The following GALNT10 variants were observed in gnomAD, a reference collection of about 807,000 sequenced individuals.
GALNT10 encodes polypeptide N-acetylgalactosaminyltransferase 10.
In GALNT10, 41 loss-of-function variants were observed where a neutral mutation model predicts 75.0. The observed-to-expected ratio is 0.55, with a 90% CI of 0.43 to 0.71. The LOEUF (loss-of-function observed/expected upper bound fraction) is 0.71, where lower values mean the gene tolerates loss of function less well. Among genes scored for constraint, GALNT10 ranks in the 30% least tolerant of loss-of-function variants. The pLI is 0.00. For synonymous variants in GALNT10, 302 were observed against 313.0 expected (o/e 0.96, Z 0.37); for missense variants, 727 against 818.5 (o/e 0.89, Z 1.36).
At chr5:154,325,415 TAAC>T (rs761417182) in intron 3 of GALNT10, among the ~76,000 whole-genome samples, 8 of 152,172 alleles carry the variant, frequency 5.3e-5, no homozygotes, top group Admixed American at 1.3e-4. Flanking sequence ...GACAAAGACA[TAAC>T]AACTATAGAC....
chr5:154,380,730 C>T lies in GALNT10; in HGVS notation c.938+99C>T. The T allele has an allele frequency of 4.0e-6, 3 of 753,420 alleles. No individual in the cohort carries two copies. The South Asian group carries it at 5.5e-5, about 14-fold the overall frequency. The allele number at this position is 753,420 out of a possible 1,614,324, so 46.7% of individuals were successfully genotyped here. A position where few individuals can be genotyped will look rare whatever the true frequency, so the allele number is the denominator to read the frequency against. On this transcript the variant is annotated intron_variant, in intron 6 of 11. Transcript: ENST00000297107. ...CGCCATCTCCCTTAAAAGCCCAATG[C>T]AGAGGGTCCAGCTTCCCAGCCCCAC...
chr5:154,305,466 A>G (rs1215772293), intron 3 of GALNT10, among the ~76,000 whole-genome samples: 4 of 152,246 alleles, frequency 2.6e-5, no homozygotes, highest in Non-Finnish European at 5.9e-5. Flanking sequence ...TCCCTGCAAG[A>G]AACACACTTT....
Position 154,412,611 on chromosome 5 carries a change from C to T in GALNT10, c.1387-278C>T. ...AGGAGTAGGGCCAGGGAGTCCTTTA[C>T]CAACTCCTCACCTCCACTCCCCCAC... On this transcript the variant is annotated intron_variant, in intron 9 of 11. Coordinates refer to ENST00000297107, the MANE Select transcript of GALNT10 (RefSeq NM_198321.4). The surrounding 1 kb of genome is among the most constrained non-coding windows in gnomAD (Gnocchi z 4.2). The T allele has an allele frequency of 2.9e-6, 1 of 347,750 alleles. No individual in the cohort carries two copies. The highest frequency in any genetic ancestry group is 5.4e-6 in the Non-Finnish European group (1 of 186,168). 21.5% of individuals were successfully genotyped at this position (347,750 alleles called of 1,614,324 possible).
chr5:154,368,760 T>C (rs1051523838), intron 4 of GALNT10, among the ~76,000 whole-genome samples: 1 of 152,316 alleles, frequency 6.6e-6, no homozygotes, highest in Admixed American at 6.5e-5. Flanking sequence ...GATATAAACA[T>C]AGCTTTCCTT....
At chr5:154,330,505 TGTG>T (rs1309070734) in intron 4 of GALNT10, among the ~76,000 whole-genome samples, 32 of 152,298 alleles carry the variant, frequency 2.1e-4, no homozygotes, top group African/African-American at 7.2e-4. Flanking sequence ...CATGTAGTCA[TGTG>T]GTGACCGAAC....
At chr5:154,360,491 C>T (rs1238725358) in intron 4 of GALNT10, among the ~76,000 whole-genome samples, 4 of 150,082 alleles carry the variant, frequency 2.7e-5, no homozygotes, top group Admixed American at 2.0e-4. Context: ...ACTGGATCCA[C>T]ATGACATAAG....
At chr5:154,292,048 C>G (rs1754201829) in intron 1 of GALNT10, among the ~76,000 whole-genome samples, 1 of 152,160 alleles carries the variant, frequency 6.6e-6, no homozygotes, top group African/African-American at 2.4e-5. Flanking sequence ...GAAAACCAAA[C>G]CAAAACGAAA....
intron 7 of GALNT10, among the ~76,000 whole-genome samples, chr5:154,400,622 G>A (rs1006645641): frequency 6.6e-6 from 1 of 152,098 alleles, no homozygotes; most frequent in African/African-American, 2.4e-5. Flanking sequence ...ATTAGACCAG[G>A]GACATAATCC....
At chr5:154,341,204 G>A (rs539604992) in intron 4 of GALNT10, among the ~76,000 whole-genome samples, 1 of 152,148 alleles carries the variant, frequency 6.6e-6, no homozygotes, top group South Asian at 2.1e-4. Context: ...CCAGCCTTTG[G>A]GGATCCTCAA....
At chr5:154,361,457 G>A (rs1755385966) in intron 4 of GALNT10, among the ~76,000 whole-genome samples, 1 of 152,232 alleles carries the variant, frequency 6.6e-6, no homozygotes, top group African/African-American at 2.4e-5. Flanking sequence ...CATGCCTGGT[G>A]CAGAGTACAC....
intron 1 of GALNT10, among the ~76,000 whole-genome samples, chr5:154,224,694 T>C (rs879752324): frequency 6.6e-6 from 1 of 152,166 alleles, no homozygotes; most frequent in Non-Finnish European, 1.5e-5. Context: ...GTATCTAATA[T>C]GTTAATATGT....
chr5:154,362,738 CTATGATT>C (rs1326426946), intron 4 of GALNT10, among the ~76,000 whole-genome samples: 3 of 152,176 alleles, frequency 2.0e-5, no homozygotes, highest in Admixed American at 1.3e-4. Flanking sequence ...TAAGTTTCAC[CTATGATT>C]GAATTCTTCC....
chr5:154,333,005 C>T (rs147515751), intron 4 of GALNT10, among the ~76,000 whole-genome samples: 114 of 152,248 alleles, frequency 7.5e-4, no homozygotes, highest in African/African-American at 2.4e-3. Context: ...CATCTAGGCC[C>T]GTGACTTTGT....
In GALNT10 at chr5:154,417,294, C is replaced by A; in HGVS notation, c.*322C>A. 4.1e-6 allele frequency: 1 copy of A among 244,974 alleles called. No individual in the cohort carries two copies. The highest frequency in any genetic ancestry group is 7.9e-6 in the Non-Finnish European group (1 of 126,218). 15.2% of individuals were successfully genotyped at this position (244,974 alleles called of 1,614,324 possible). On this transcript the variant is annotated 3_prime_UTR_variant, in exon 12 of 12. Coordinates refer to ENST00000297107, the MANE Select transcript of GALNT10 (RefSeq NM_198321.4). ...CCTTGAACATTATGTGGGAGAACAC[C>A]AAGGTAGCCTAGGCCACCCAAAAGT...
At chr5:154,223,394 G>C (rs1446829590) in intron 1 of GALNT10, among the ~76,000 whole-genome samples, 1 of 152,190 alleles carries the variant, frequency 6.6e-6, no homozygotes, top group Non-Finnish European at 1.5e-5. Context: ...TCCCAATACT[G>C]TCTGACTTTG....
At chr5:154,287,588 G>A (rs1754130511) in intron 1 of GALNT10, 1 of 152,162 alleles carries the variant, frequency 6.6e-6, no homozygotes, top group Admixed American at 6.5e-5. Context: ...CTATGTTATA[G>A]GCTTGTATGT....
At chr5:154,284,396 G>A (rs1051704875) in intron 1 of GALNT10, among the ~76,000 whole-genome samples, 5 of 152,222 alleles carry the variant, frequency 3.3e-5, no homozygotes, top group Admixed American at 1.3e-4. Context: ...TATTATTAGA[G>A]CAAGTACTTT....
At chr5:154,414,017 A>G (rs1459977183) in intron 10 of GALNT10, among the ~76,000 whole-genome samples, 1 of 152,248 alleles carries the variant, frequency 6.6e-6, no homozygotes, top group Non-Finnish European at 1.5e-5. Flanking sequence ...AAATATATGA[A>G]TGGCAAATAA....
At chr5:154,244,400 C>G (rs1021991489) in intron 1 of GALNT10, among the ~76,000 whole-genome samples, 2 of 151,670 alleles carry the variant, frequency 1.3e-5, no homozygotes, top group Non-Finnish European at 2.9e-5. Flanking sequence ...GATCCTGTCT[C>G]TAAAAAATTT....
Sources: allele counts gnomAD v4.1 joint callset (sites outside exome capture counted in the v4.1 genomes callset), GRCh38; gene constraint gnomAD v4.1.1; non-coding constraint Gnocchi (gnomAD v3.1); transcripts MANE v1.5; gene names NCBI Gene and HGNC (gene_info 2026-07-23, HGNC 2026-07-21).